The following SDHA variants were observed in gnomAD, a reference collection of about 807,000 sequenced individuals.
SDHA encodes succinate dehydrogenase [ubiquinone] flavoprotein subunit, mitochondrial.
In SDHA, 48 loss-of-function variants were observed where a neutral mutation model predicts 78.4. The observed-to-expected ratio is 0.61, with a 90% CI of 0.49 to 0.78. SDHA has a LOEUF of 0.78. SDHA is among the 30% of genes least tolerant of loss of function. SDHA has a pLI of 0.00. For synonymous variants in SDHA, 326 were observed against 353.9 expected, an observed-to-expected ratio of 0.92 and a Z score of 0.88; for missense variants, 680 against 892.7, an observed-to-expected ratio of 0.76 and a Z score of 3.04.
Position 241,314 on chromosome 5 carries a change from C to G in SDHA, c.1551+838C>G, listed in dbSNP as rs567888930. ...TTTCTCTTAGAGGTTTCCTGGAGTT[C>G]AACACAACACTGGTGCTTACATCTC... On this transcript the variant is annotated intron_variant, in intron 11 of 14. Coordinates refer to ENST00000264932, the MANE Select transcript of SDHA (RefSeq NM_004168.4). 3.3e-5 allele frequency among the ~76,000 whole-genome samples: 5 copies of G among 152,246 alleles called. No homozygotes were observed. In the South Asian group the frequency reaches 1.0e-3, roughly 32 times the overall value.
chr5:230,780 G>A (rs528775206), intron 6 of SDHA, 96 bp from the exon 7 acceptor site: 16 of 1,523,148 alleles, frequency 1.1e-5, no homozygotes, highest in South Asian at 6.7e-5. Flanking sequence ...CTGAGAAGAC[G>A]GTGCTGGGGG....
downstream of SDHA, among the ~76,000 whole-genome samples, chr5:258,643 C>G (rs6891601): frequency 2.7e-4 from 13 of 48,152 alleles, no homozygotes; most frequent in East Asian, 4.3e-4. Flanking sequence ...CCGCCTCCCG[C>G]CAGAGCATTA....
At chr5:226,364 G>T (rs1010917114) in intron 5 of SDHA, among the ~76,000 whole-genome samples, 3 of 152,212 alleles carry the variant, frequency 2.0e-5, no homozygotes, top group African/African-American at 7.2e-5. Flanking sequence ...AGGCACAGTG[G>T]CTCAGGTCTG....
At chr5:254,748 C>T (rs866891210) in intron 14 of SDHA, among the ~76,000 whole-genome samples, 573 of 151,502 alleles carry the variant, frequency 3.8e-3, no homozygotes, top group African/African-American at 0.013. Flanking sequence ...GTGGTGTGCG[C>T]CAGATGGACG....
At chr5:265,849 C>T in the SDHA span, among the ~76,000 whole-genome samples, 1 of 136,966 alleles carries the variant, frequency 7.3e-6, no homozygotes, top group East Asian at 1.9e-4. Flanking sequence ...GTCAAATTGC[C>T]ACCCCAATGC....
intron 14 of SDHA, 135 bp downstream of exon 14, chr5:254,641 G>C (rs367750085): frequency 7.2e-7 from 1 of 1,390,180 alleles, no homozygotes; most frequent in African/African-American, 1.5e-5. Flanking sequence ...TCGAGGCACC[G>C]CTGAAAAAGG....
At position 218,338 on chromosome 5, in the gene SDHA, G is replaced by C. The variant is rs778649066; in HGVS notation, c.-18G>C. 4.2e-6 allele frequency: 6 copies of C among 1,444,688 alleles called. No homozygotes were observed. The highest frequency in any genetic ancestry group is 5.3e-5 in the Admixed American group (2 of 37,580). The allele number at this position is 1,444,688 out of a possible 1,614,324, so 89.5% of individuals were successfully genotyped here. A position where few individuals can be genotyped will look rare whatever the true frequency, so the allele number is the denominator to read the frequency against. On this transcript the variant is annotated 5_prime_UTR_variant, in exon 1 of 15. Coordinates refer to ENST00000264932, the MANE Select transcript of SDHA (RefSeq NM_004168.4). ...TCTGCGCAGGGACTGGCGGGACTGC[G>C]CGGCGGCAACAGCAGACATGTCGGG...
chr5:218,809 G>A lies in SDHA; in HGVS notation c.63+391G>A, dbSNP rs1253512049. Among the ~76,000 whole-genome samples the A allele has an allele frequency of 3.9e-5, 6 of 152,300 alleles. No individual in the cohort carries two copies. The East Asian group carries it at 9.7e-4, about 25-fold the overall frequency. The stretch of plus-strand genomic sequence containing the variant: ...AAGGTCACCCGGGCGGATAGCGGCC[G>A]GTGGCCGCCCTGGCTGGGCTGGGCC... On this transcript the variant is annotated intron_variant, in intron 1 of 14. Transcript: ENST00000264932.
At chr5:241,952 A>G (rs1247241296) in intron 11 of SDHA, among the ~76,000 whole-genome samples, 6 of 152,250 alleles carry the variant, frequency 3.9e-5, no homozygotes, top group South Asian at 2.1e-4. Flanking sequence ...GAATGGGAAC[A>G]TGCCTTCGGA....
intron 1 of SDHA, among the ~76,000 whole-genome samples, chr5:219,208 G>A (rs1032010546): frequency 2.6e-5 from 4 of 152,144 alleles, no homozygotes; most frequent in African/African-American, 9.7e-5. Context: ...TGCGCTGAGT[G>A]CCTCTAGGGC....
chr5:235,899 T>C (rs548004687), intron 9 of SDHA: 3 of 252,122 alleles, frequency 1.2e-5, no homozygotes, highest in Non-Finnish European at 2.3e-5. Context: ...TTGGAGGTCC[T>C]CTGACCTGCT....
chr5:221,452 A>G (rs1409433679), intron 1 of SDHA, among the ~76,000 whole-genome samples: 1 of 152,132 alleles, frequency 6.6e-6, no homozygotes, highest in African/African-American at 2.4e-5. Flanking sequence ...GTACATGCAG[A>G]TTAGTTTCTT....
chr5:228,601 T>TG (rs1735196070), intron 6 of SDHA, among the ~76,000 whole-genome samples: 1 of 151,684 alleles, frequency 6.6e-6, no homozygotes, highest in African/African-American at 2.4e-5. Context: ...TCTCCCAATT[T>TG]AGATGAGGGA....
At chr5:250,684 C>G (rs1187365638) in intron 11 of SDHA, 1 of 383,072 alleles carries the variant, frequency 2.6e-6, no homozygotes, top group African/African-American at 2.1e-5. Flanking sequence ...GGCCGTGGAG[C>G]TGTATGGAAC....
At chr5:222,633 C>T (rs1369723133) in intron 1 of SDHA, among the ~76,000 whole-genome samples, 1 of 152,100 alleles carries the variant, frequency 6.6e-6, no homozygotes, top group Non-Finnish European at 1.5e-5. Context: ...AGCCACCGTG[C>T]CCAGCCCCTA....
intron 11 of SDHA, among the ~76,000 whole-genome samples, chr5:246,003 A>G (rs1736426462): frequency 6.6e-6 from 1 of 152,276 alleles, no homozygotes; most frequent in African/African-American, 2.4e-5. Flanking sequence ...TGGTCTCACT[A>G]GCCCTCAGCA....
chr5:265,308 A>G, the SDHA span, among the ~76,000 whole-genome samples: 1 of 152,256 alleles, frequency 6.6e-6, no homozygotes, highest in African/African-American at 2.4e-5. Flanking sequence ...TCACATAGAC[A>G]CATTTCCTAG....
intron 10 of SDHA, among the ~76,000 whole-genome samples, chr5:237,364 A>T (rs1202809597): frequency 7.4e-6 from 1 of 134,562 alleles, no homozygotes; most frequent in Non-Finnish European, 1.5e-5. Flanking sequence ...AGAAGGGATG[A>T]CTTACAGTGA....
At chr5:249,036 G>T (rs1174095784) in intron 11 of SDHA, 1 of 404,156 alleles carries the variant, frequency 2.5e-6, no homozygotes, top group African/African-American at 2.2e-5. Context: ...GTACAAACTT[G>T]TCTTTGGATA....
Sources: gnomAD v4.1 joint callset for allele counts (sites outside exome capture counted in the v4.1 genomes callset) on GRCh38, gnomAD v4.1.1 for gene constraint, MANE v1.5 for transcripts, NCBI Gene and HGNC (gene_info 2026-07-23, HGNC 2026-07-21) for gene names.